Variants in FAM171A1 observed in about 807,000 individuals in gnomAD.
The protein encoded by FAM171A1 is protein FAM171A1.
A neutral mutation model predicts 74.9 loss-of-function variants in FAM171A1; 23 were observed. That is an observed-to-expected ratio of 0.31 (90% CI 0.22 to 0.44). The LOEUF is 0.44. FAM171A1 is among the 20% of genes least tolerant of loss of function. The pLI is 1.00. For synonymous variants in FAM171A1, 527 were observed against 505.7 expected (o/e 1.04, Z -0.57); for missense variants, 1,162 against 1,159.2 (o/e 1.00, Z -0.03).
At chr10:15,286,393 G>C (rs1243534072) in intron 1 of FAM171A1, among the ~76,000 whole-genome samples, 1 of 152,094 alleles carries the variant, frequency 6.6e-6, no homozygotes, top group Non-Finnish European at 1.5e-5. Context: ...CAATTCTCCT[G>C]CCTCAGCCTC....
At chr10:15,217,838 G>C (rs1833985848) in intron 6 of FAM171A1, among the ~76,000 whole-genome samples, 1 of 151,722 alleles carries the variant, frequency 6.6e-6, no homozygotes, top group African/African-American at 2.4e-5. Flanking sequence ...TCACCATCTT[G>C]GCCAGGCTGG....
intron 5 of FAM171A1, among the ~76,000 whole-genome samples, chr10:15,235,582 T>C (rs1262511918): frequency 2.0e-5 from 3 of 152,134 alleles, no homozygotes; most frequent in Non-Finnish European, 4.4e-5. Flanking sequence ...GCTGGTGTTG[T>C]ATCATTTGTA....
intron 3 of FAM171A1, among the ~76,000 whole-genome samples, chr10:15,261,588 T>A (rs774161197): frequency 1.1e-4 from 17 of 152,158 alleles, no homozygotes; most frequent in Non-Finnish European, 2.1e-4. Flanking sequence ...ATGATGAAAG[T>A]ACAAGATAAA....
intron 4 of FAM171A1, among the ~76,000 whole-genome samples, chr10:15,254,308 G>A (rs1165853414): frequency 6.6e-6 from 1 of 151,958 alleles, no homozygotes; most frequent in Non-Finnish European, 1.5e-5. Context: ...GTCTCTACCA[G>A]CCCCACCCAC....
chr10:15,341,428 A>C (rs1388271267), intron 1 of FAM171A1, among the ~76,000 whole-genome samples: 3 of 152,260 alleles, frequency 2.0e-5, no homozygotes, highest in African/African-American at 7.2e-5. Context: ...TTCGTAATAT[A>C]CATCTTTAAA....
chr10:15,237,696 C>A (rs1481634058), intron 5 of FAM171A1: 1 of 152,120 alleles, frequency 6.6e-6, no homozygotes, highest in Non-Finnish European at 1.5e-5. Context: ...ACTGTCATCA[C>A]ACCCAAACAA....
At chr10:15,305,029 A>T (rs1212252681) in intron 1 of FAM171A1, among the ~76,000 whole-genome samples, 1 of 152,110 alleles carries the variant, frequency 6.6e-6, no homozygotes, top group Non-Finnish European at 1.5e-5. Context: ...GAGCCACAGC[A>T]CCCGGCCAAG....
intron 3 of FAM171A1, among the ~76,000 whole-genome samples, chr10:15,262,980 C>T (rs950357787): frequency 6.6e-6 from 1 of 152,084 alleles, no homozygotes; most frequent in Non-Finnish European, 1.5e-5. Context: ...CCTGGGAGGA[C>T]GGCATGCAGG....
intron 1 of FAM171A1, among the ~76,000 whole-genome samples, chr10:15,348,622 T>C (rs553996470): frequency 4.6e-5 from 7 of 152,310 alleles, no homozygotes; most frequent in Admixed American, 4.6e-4. Context: ...GCCCTGCTAC[T>C]TCGAGTGTGG....
At chr10:15,296,706 C>T (rs919398976) in intron 1 of FAM171A1, among the ~76,000 whole-genome samples, 1 of 129,444 alleles carries the variant, frequency 7.7e-6, no homozygotes, top group Non-Finnish European at 1.8e-5. Context: ...GGATCTGCGG[C>T]CCCAGTGTCT....
chr10:15,311,694 G>C (rs1360452288), intron 1 of FAM171A1, among the ~76,000 whole-genome samples: 1 of 152,262 alleles, frequency 6.6e-6, no homozygotes, highest in East Asian at 1.9e-4. Flanking sequence ...CATAGAGTAG[G>C]AGGTGATTGC....
At chr10:15,347,832 CT>C (rs1564287020) in intron 1 of FAM171A1, among the ~76,000 whole-genome samples, 1 of 71,316 alleles carries the variant, frequency 1.4e-5, no homozygotes, top group African/African-American at 7.0e-5. Context: ...GAGACTCCAT[CT>C]CAAAAAAAAA....
intron 7 of FAM171A1, 50 bp downstream of exon 7, chr10:15,215,946 C>T (rs1345492316): frequency 7.9e-7 from 1 of 1,262,080 alleles, no homozygotes; most frequent in South Asian, 1.4e-5. Flanking sequence ...TATCAATTGC[C>T]CAAGAAACTG....
At chr10:15,293,255 C>G (rs571678407) in intron 1 of FAM171A1, among the ~76,000 whole-genome samples, 9 of 152,178 alleles carry the variant, frequency 5.9e-5, no homozygotes, top group African/African-American at 2.2e-4. Flanking sequence ...CCTAAGTATT[C>G]CTGGTATTTT....
chr10:15,338,534 T>C (rs991853356), intron 1 of FAM171A1, among the ~76,000 whole-genome samples: 11 of 152,208 alleles, frequency 7.2e-5, no homozygotes, highest in African/African-American at 2.7e-4. Flanking sequence ...GTATTTTATA[T>C]CAATTTTACC....
chr10:15,232,457 G>C (rs534240703), intron 5 of FAM171A1, among the ~76,000 whole-genome samples: 1 of 152,172 alleles, frequency 6.6e-6, no homozygotes, highest in African/African-American at 2.4e-5. Flanking sequence ...TTGTTTTATC[G>C]CAAGAGCCTA....
chr10:15,308,210 A>G (rs1321116134), intron 1 of FAM171A1, among the ~76,000 whole-genome samples: 1 of 152,202 alleles, frequency 6.6e-6, no homozygotes, highest in African/African-American at 2.4e-5. Flanking sequence ...CACACAATCT[A>G]ACTGCAACAC....
At chr10:15,351,630 T>C (rs1216157619) in intron 1 of FAM171A1, among the ~76,000 whole-genome samples, 2 of 150,706 alleles carry the variant, frequency 1.3e-5, no homozygotes, top group African/African-American at 4.9e-5. Context: ...GATGCATGGA[T>C]AGATGGATGC....
At position 15,324,802 on chromosome 10, in the gene FAM171A1, T is replaced by C. The variant is rs1009785942; in HGVS notation, c.98-40697A>G. Reference sequence around the variant, plus strand: ...CCAACTCCACCATCAATATCTTTGTTGTCATGATAGAAACCACAACTTAGT... The same window carrying C: ...CCAACTCCACCATCAATATCTTTGTCGTCATGATAGAAACCACAACTTAGT... On this transcript the variant is annotated intron_variant, in intron 1 of 7. Transcript: ENST00000378116. Among the ~76,000 whole-genome samples the C allele has an allele frequency of 2.0e-5, 3 of 152,194 alleles. No homozygotes were observed. The South Asian group carries it at 6.2e-4, about 32-fold the overall frequency.
Sources: allele counts gnomAD v4.1 joint callset (sites outside exome capture counted in the v4.1 genomes callset), GRCh38; gene constraint gnomAD v4.1.1; transcripts MANE v1.5; gene names NCBI Gene and HGNC (gene_info 2026-07-23, HGNC 2026-07-21).